NRG1: variants seen among roughly 807,000 people sequenced by gnomAD.
NRG1 encodes the protein pro-neuregulin-1, membrane-bound isoform.
NRG1 carries 18 observed loss-of-function variants against 63.8 expected under a neutral mutation model. That is an observed-to-expected ratio of 0.28 (90% CI 0.19 to 0.42). The LOEUF (loss-of-function observed/expected upper bound fraction) is 0.42. Ranked by LOEUF, NRG1 falls within the 10% of genes least tolerant of loss-of-function variation. The pLI, the probability that NRG1 is intolerant of heterozygous loss-of-function variation, is 1.00. For synonymous variants in NRG1, 302 were observed against 301.3 expected, an observed-to-expected ratio of 1.00 and a Z score of -0.02; for missense variants, 762 against 814.7, an observed-to-expected ratio of 0.94 and a Z score of 0.79.
At chr8:31,918,585 G>A (rs576218863) in intron 1 of NRG1, among the ~76,000 whole-genome samples, 2 of 152,248 alleles carry the variant, frequency 1.3e-5, no homozygotes, top group African/African-American at 4.8e-5. Context: ...TTTTTGATGT[G>A]CTGCTGGATT....
In NRG1 at chr8:32,045,234, T is replaced by C. The variant is rs185397949; in HGVS notation, c.37+405803T>C. ...ACTTAATTAGTAATTTCACTTAAAA[T>C]AGCTTTCAGAATGTGAAGCACTTAG... On this transcript the variant is annotated intron_variant, in intron 1 of 10. Coordinates refer to the NRG1 transcript ENST00000519301. Among the ~76,000 whole-genome samples, 10 of 152,022 alleles carry C rather than the reference T, an allele frequency of 6.6e-5. No homozygotes were observed. In the East Asian group the frequency reaches 1.9e-3, roughly 29 times the overall value.
chr8:31,777,963 A>G (rs1313110091), intron 1 of NRG1, among the ~76,000 whole-genome samples: 1 of 152,140 alleles, frequency 6.6e-6, no homozygotes, highest in Non-Finnish European at 1.5e-5. Flanking sequence ...TTTCAACATA[A>G]GGTATGGAGG....
intron 5 of NRG1, among the ~76,000 whole-genome samples, chr8:32,620,518 G>C (rs1268471023): frequency 1.8e-5 from 1 of 55,794 alleles, no homozygotes; most frequent in Non-Finnish European, 3.6e-5. Flanking sequence ...TGTTGGATTA[G>C]AAGAAAAAAA....
At chr8:32,576,064 A>T (rs1317242000) in intron 1 of NRG1, among the ~76,000 whole-genome samples, 1 of 152,218 alleles carries the variant, frequency 6.6e-6, no homozygotes, top group African/African-American at 2.4e-5. Flanking sequence ...ATATGCATAC[A>T]CTGTGGAATG....
intron 1 of NRG1, among the ~76,000 whole-genome samples, chr8:31,981,295 C>A (rs1341538887): frequency 2.6e-5 from 4 of 151,952 alleles, no homozygotes; most frequent in Admixed American, 6.6e-5. Flanking sequence ...TCTTGGTAAA[C>A]AACTTAGGAA....
chr8:32,649,565 A>G (rs1007527098), intron 5 of NRG1, among the ~76,000 whole-genome samples: 5 of 152,156 alleles, frequency 3.3e-5, no homozygotes, highest in African/African-American at 1.2e-4. Flanking sequence ...TTTCCTCTGG[A>G]CAGTAATGAA....
intron 1 of NRG1, among the ~76,000 whole-genome samples, chr8:32,075,160 T>C (rs1357264628): frequency 6.6e-6 from 1 of 152,230 alleles, no homozygotes; most frequent in African/African-American, 2.4e-5. Flanking sequence ...TGAATGAAAG[T>C]AGAGCTCTGG....
intron 1 of NRG1, among the ~76,000 whole-genome samples, chr8:31,697,064 G>A (rs1361351477): frequency 2.0e-5 from 3 of 152,150 alleles, no homozygotes; most frequent in Non-Finnish European, 4.4e-5. Flanking sequence ...CTAAATAACA[G>A]GATCCAAATC....
At chr8:31,736,620 T>G (rs889670831) in intron 1 of NRG1, among the ~76,000 whole-genome samples, 2 of 152,160 alleles carry the variant, frequency 1.3e-5, no homozygotes, top group Admixed American at 1.3e-4. Context: ...ACATACTTCC[T>G]TTTGCAGGTG....
intron 5 of NRG1, among the ~76,000 whole-genome samples, chr8:32,642,410 G>T (rs1852593656): frequency 6.6e-6 from 1 of 152,172 alleles, no homozygotes; most frequent in Non-Finnish European, 1.5e-5. Context: ...CCAATAAATG[G>T]TACAGTTAAG....
chr8:32,450,894 A>G (rs960485418), intron 1 of NRG1, among the ~76,000 whole-genome samples: 6 of 152,174 alleles, frequency 3.9e-5, no homozygotes, highest in African/African-American at 1.4e-4. Flanking sequence ...AAGACAAGTC[A>G]GTTGGCAAGA....
At chr8:32,484,029 G>A (rs896398144) in intron 1 of NRG1, among the ~76,000 whole-genome samples, 2 of 151,928 alleles carry the variant, frequency 1.3e-5, no homozygotes, top group East Asian at 3.9e-4. Context: ...CATGAACCCA[G>A]GAGGCGGAGC....
chr8:31,672,315 A>G (rs957395847), intron 1 of NRG1, among the ~76,000 whole-genome samples: 2 of 152,152 alleles, frequency 1.3e-5, no homozygotes, highest in Non-Finnish European at 2.9e-5. Context: ...CAATATTCCC[A>G]GAACTAGAGA....
At chr8:32,223,741 A>G (rs1485277930) in intron 1 of NRG1, among the ~76,000 whole-genome samples, 2 of 152,158 alleles carry the variant, frequency 1.3e-5, no homozygotes, top group African/African-American at 4.8e-5. Context: ...TGTAGGCCCC[A>G]AGGAAGCCTT....
intron 1 of NRG1, among the ~76,000 whole-genome samples, chr8:32,534,702 T>C (rs1831783940): frequency 6.6e-6 from 1 of 152,166 alleles, no homozygotes; most frequent in Admixed American, 6.5e-5. Flanking sequence ...GAAACACTGA[T>C]GTCTGATTGT....
chr8:32,345,264 C>T (rs1407039655), intron 1 of NRG1, among the ~76,000 whole-genome samples: 1 of 151,224 alleles, frequency 6.6e-6, no homozygotes, highest in Admixed American at 6.6e-5. Context: ...AGGTTATATT[C>T]CTTCTGTTGG....
intron 1 of NRG1, among the ~76,000 whole-genome samples, chr8:32,375,224 C>T (rs887975895): frequency 6.6e-6 from 1 of 151,972 alleles, no homozygotes; most frequent in Non-Finnish European, 1.5e-5. Flanking sequence ...GCAATCCCCC[C>T]ACCTTGGCTC....
intron 1 of NRG1, among the ~76,000 whole-genome samples, chr8:32,552,294 T>G (rs184776384): frequency 3.1e-4 from 47 of 151,844 alleles, no homozygotes; most frequent in Admixed American, 4.6e-4. Context: ...TATGTTGTTC[T>G]TACTCTGCAC....
At chr8:32,239,321 A>G (rs1267435812) in intron 1 of NRG1, among the ~76,000 whole-genome samples, 6 of 132,202 alleles carry the variant, frequency 4.5e-5, no homozygotes, top group Non-Finnish European at 9.4e-5. Context: ...ATCCAAAGGC[A>G]AAAAAAAAAA....
Sources: allele counts gnomAD v4.1 joint callset (sites outside exome capture counted in the v4.1 genomes callset), GRCh38; gene constraint gnomAD v4.1.1; transcripts MANE v1.5; gene names NCBI Gene and HGNC (gene_info 2026-07-23, HGNC 2026-07-21).